Variants in GREB1L observed in about 807,000 individuals in gnomAD.
The protein encoded by GREB1L is GREB1-like protein.
Under a neutral mutation model 200.8 loss-of-function variants are expected in GREB1L, and 17 were observed. That is an observed-to-expected ratio of 0.08 (90% CI 0.06 to 0.13). GREB1L has a LOEUF of 0.13. Among genes scored for constraint, GREB1L ranks in the 10% least tolerant of loss-of-function variants. The probability of loss-of-function intolerance (pLI) is 1.00; values close to 1 mark genes in which losing one functional copy is unlikely to be tolerated. For missense variants in GREB1L, 1,657 were observed against 2,367.7 expected (o/e 0.70, Z 6.23); for synonymous variants, 789 against 893.0 (o/e 0.88, Z 2.08).
At chr18:21,328,656 G>A (rs1284816987) in intron 1 of GREB1L, among the ~76,000 whole-genome samples, 1 of 152,042 alleles carries the variant, frequency 6.6e-6, no homozygotes, top group Non-Finnish European at 1.5e-5. Context: ...CATCTGATAC[G>A]TGCATGTGTG....
chr18:21,418,380 C>T (rs926382593), intron 7 of GREB1L, among the ~76,000 whole-genome samples: 1 of 152,120 alleles, frequency 6.6e-6, no homozygotes, highest in African/African-American at 2.4e-5. Context: ...CTCCCATATA[C>T]TTTAAATCTT....
chr18:21,507,027 T>A (rs1234412263), intron 25 of GREB1L, among the ~76,000 whole-genome samples: 2 of 152,168 alleles, frequency 1.3e-5, no homozygotes, highest in Non-Finnish European at 2.9e-5. Flanking sequence ...TTTTCCCACA[T>A]CTCATCCTGA....
intron 2 of GREB1L, among the ~76,000 whole-genome samples, chr18:21,367,411 A>C (rs938586058): frequency 6.6e-6 from 1 of 152,192 alleles, no homozygotes; most frequent in African/African-American, 2.4e-5. Context: ...AGAATTTTGC[A>C]CTGTTGAAAT....
intron 14 of GREB1L, 130 bp from the exon 15 acceptor site, chr18:21,454,236 T>TA (rs2145467889): frequency 3.1e-6 from 2 of 651,484 alleles, no homozygotes. Flanking sequence ...AGAGTGCAAA[T>TA]AGCAGGTGAG....
At chr18:21,301,971 G>A (rs971068876) in intron 1 of GREB1L, among the ~76,000 whole-genome samples, 3 of 152,192 alleles carry the variant, frequency 2.0e-5, no homozygotes, top group African/African-American at 7.2e-5. Context: ...GAAAAAGGAG[G>A]AAACTCAGGA....
intron 7 of GREB1L, among the ~76,000 whole-genome samples, chr18:21,412,578 A>G (rs746176276): frequency 6.6e-5 from 10 of 152,234 alleles, no homozygotes; most frequent in Non-Finnish European, 1.0e-4. Flanking sequence ...CTATTACATT[A>G]AAGAAAGGGC....
chr18:21,245,742 A>T (rs543437129), intron 1 of GREB1L, among the ~76,000 whole-genome samples: 111 of 151,532 alleles, frequency 7.3e-4, no homozygotes, highest in African/African-American at 2.6e-3. Flanking sequence ...GTTTGAGACG[A>T]AGTCTTGCTT....
intron 7 of GREB1L, among the ~76,000 whole-genome samples, chr18:21,414,636 GA>G (rs1372523521): frequency 6.6e-6 from 1 of 152,138 alleles, no homozygotes; most frequent in Non-Finnish European, 1.5e-5. Flanking sequence ...TGGGTACTAG[GA>G]GATGAGGGTA....
At chr18:21,366,311 A>G (rs2039678520) in intron 2 of GREB1L, among the ~76,000 whole-genome samples, 175 bp downstream of exon 2, 1 of 150,526 alleles carries the variant, frequency 6.6e-6, no homozygotes, top group Admixed American at 6.7e-5. Context: ...CCCTTACCCC[A>G]TACCAGAAAG....
chr18:21,318,980 G>C (rs2038912832), intron 1 of GREB1L, among the ~76,000 whole-genome samples: 1 of 152,208 alleles, frequency 6.6e-6, no homozygotes, highest in Non-Finnish European at 1.5e-5. Context: ...TCTATGGGGA[G>C]CTGCTTAGCC....
intron 19 of GREB1L, among the ~76,000 whole-genome samples, chr18:21,493,732 G>T (rs903802578): frequency 7.9e-5 from 12 of 151,794 alleles, no homozygotes; most frequent in African/African-American, 2.9e-4. Flanking sequence ...CAGGTGTGGT[G>T]GTGGGTGCCT....
At chr18:21,248,630 A>G (rs1228191354) in intron 1 of GREB1L, among the ~76,000 whole-genome samples, 1 of 152,262 alleles carries the variant, frequency 6.6e-6, no homozygotes. Context: ...TTGTTCTTAT[A>G]CTAAGACTGA....
At chr18:21,345,181 G>T (rs1377797211) in intron 1 of GREB1L, among the ~76,000 whole-genome samples, 1 of 152,126 alleles carries the variant, frequency 6.6e-6, no homozygotes, top group Non-Finnish European at 1.5e-5. Flanking sequence ...ATTACTGCTG[G>T]ATATTTCCAT....
chr18:21,247,695 G>A (rs2037630555), intron 1 of GREB1L, among the ~76,000 whole-genome samples: 1 of 152,188 alleles, frequency 6.6e-6, no homozygotes, highest in African/African-American at 2.4e-5. Flanking sequence ...TTATTTTGAA[G>A]ATAAAATGAA....
chr18:21,353,952 A>AT (rs1567948604), intron 1 of GREB1L, among the ~76,000 whole-genome samples: 2 of 151,792 alleles, frequency 1.3e-5, no homozygotes, highest in Admixed American at 6.6e-5. Flanking sequence ...CACTCAGATA[A>AT]TTTTTTTGTA....
chr18:21,356,140 A>AT (rs34493144), intron 1 of GREB1L, among the ~76,000 whole-genome samples: 3,429 of 142,202 alleles, frequency 0.024, 108 homozygotes, highest in African/African-American at 0.074. Flanking sequence ...CACCCAACTA[A>AT]TTTTTTTTTT....
At chr18:21,250,485 G>C (rs1002072788) in intron 1 of GREB1L, among the ~76,000 whole-genome samples, 3 of 152,162 alleles carry the variant, frequency 2.0e-5, no homozygotes, top group African/African-American at 7.2e-5. Context: ...TGTCTTCCCA[G>C]GTGGTTTTTA....
chr18:21,449,326 A>T (rs182835125), intron 11 of GREB1L, among the ~76,000 whole-genome samples, 184 bp from the exon 12 acceptor site: 24 of 152,318 alleles, frequency 1.6e-4, no homozygotes, highest in Middle Eastern at 3.4e-3. Flanking sequence ...CAGAAAGAAA[A>T]ATAATTTCCA....
At chr18:21,268,879 C>T (rs190254022) in intron 1 of GREB1L, among the ~76,000 whole-genome samples, 8 of 151,788 alleles carry the variant, frequency 5.3e-5, no homozygotes, top group African/African-American at 1.7e-4. Flanking sequence ...CCACTGTGCC[C>T]GGCCCTGGTG....
Sources: gnomAD v4.1 joint callset for allele counts (sites outside exome capture counted in the v4.1 genomes callset) on GRCh38, gnomAD v4.1.1 for gene constraint, MANE v1.5 for transcripts, NCBI Gene and HGNC (gene_info 2026-07-23, HGNC 2026-07-21) for gene names.